LAMA3: variants seen among roughly 807,000 people sequenced by gnomAD.
LAMA3 encodes the protein laminin subunit alpha 3, also known as laminin subunit alpha-3.
A neutral mutation model predicts 402.0 loss-of-function variants in LAMA3; 281 were observed. The observed-to-expected ratio is 0.70, with a 90% confidence interval of 0.63 to 0.77. The LOEUF (loss-of-function observed/expected upper bound fraction) is 0.77, where lower values mean the gene tolerates loss of function less well. Ranked by LOEUF, LAMA3 falls within the 30% of genes least tolerant of loss-of-function variation. The pLI is 0.00. For synonymous variants in LAMA3, 1,431 were observed against 1,558.4 expected, an observed-to-expected ratio of 0.92 and a Z score of 1.93; for missense variants, 3,840 against 4,215.5, an observed-to-expected ratio of 0.91 and a Z score of 2.47.
At position 23,744,872 on chromosome 18, in the gene LAMA3, G is replaced by A. The variant is rs199817900; in HGVS notation, c.448-3071G>A. On this transcript the variant is annotated intron_variant, in intron 2 of 74. Coordinates refer to ENST00000313654, the MANE Select transcript of LAMA3 (RefSeq NM_198129.4). ...AAAAAAAAAAATCAAACGTTACCTA[G>A]AAACAAGATGAAACTTGTGGATTAA... is the stretch of plus-strand genomic sequence containing the variant. Among the ~76,000 whole-genome samples, 194 of 129,304 alleles carry A rather than the reference G, an allele frequency of 1.5e-3. 4 individuals are homozygous for A. In the East Asian group the frequency reaches 0.034, roughly 23 times the overall value. The allele number at this position is 129,304 out of a possible 152,430, so 84.8% of individuals were successfully genotyped here. A position where few individuals can be genotyped will look rare whatever the true frequency, so the allele number is the denominator to read the frequency against.
intron 35 of LAMA3, among the ~76,000 whole-genome samples, chr18:23,864,577 G>A (rs1307254091): frequency 1.3e-5 from 2 of 151,986 alleles, no homozygotes; most frequent in Admixed American, 6.6e-5. Context: ...ACTCAATCAT[G>A]TTCATGCTAA....
chr18:23,894,242 G>A (rs1191983260), intron 42 of LAMA3, 56 bp from the exon 43 acceptor site: 3 of 1,350,740 alleles, frequency 2.2e-6, no homozygotes, highest in East Asian at 2.3e-5. Flanking sequence ...AAGTTAAAGA[G>A]CAGATGAAAA....
At chr18:23,744,239 AGG>A (rs2061609787) in intron 2 of LAMA3, among the ~76,000 whole-genome samples, 1 of 152,298 alleles carries the variant, frequency 6.6e-6, no homozygotes, top group South Asian at 2.1e-4. Flanking sequence ...GTTACACAGC[AGG>A]GGTGGTGATA....
At position 23,810,373 on chromosome 18, in the gene LAMA3, G is replaced by A. The variant is rs1555698689; in HGVS notation, c.1611G>A (p.Trp537Ter). 6.2e-7 allele frequency: 1 copy of A among 1,614,122 alleles called. No homozygotes were observed. The highest frequency in any genetic ancestry group is 8.5e-7 in the Non-Finnish European group (1 of 1,180,028). The change falls in exon 13 of 75, where the codon TGG becomes TGA. Residue 537 changes from tryptophan (W) to a stop codon, truncating the protein, a stop_gained. Coordinates refer to ENST00000313654, the MANE Select transcript of LAMA3 (RefSeq NM_198129.4). LOFTEE classifies it high-confidence loss of function. The stretch of plus-strand genomic sequence containing the variant: ...TTGAATTCTTTCATCCAGCCTGCTG[G>A]TGTTCAGCCCTTGGATCCTACCAGA... ...FYSFPICQACWCSALGSYQMP... is the reference protein window; with the variant it reads ...FYSFPICQAC
chr18:23,784,306 C>A, intron 12 of LAMA3, 149 bp downstream of exon 12: 1 of 909,442 alleles, frequency 1.1e-6, no homozygotes, highest in Non-Finnish European at 1.8e-6. Flanking sequence ...TGTGATGGTC[C>A]TACCTGGACC....
Position 23,921,496 on chromosome 18 carries a change from T to C in LAMA3, c.8088T>C (p.Asn2696=). 1 of 1,613,948 alleles carries C rather than the reference T, an allele frequency of 6.2e-7. No homozygotes were observed. The highest frequency in any genetic ancestry group is 2.2e-5 in the East Asian group (1 of 44,850). The change falls in exon 62 of 75, where the codon AAT becomes AAC. Residue 2696 remains asparagine, a synonymous_variant. Coordinates refer to ENST00000313654, the MANE Select transcript of LAMA3 (RefSeq NM_198129.4). Reference sequence around the variant, plus strand: ...AACTCCAAAAGCGTATGTGGATAAATGTGGACGTTCAAAACACTATAATTG... The same window carrying C: ...AACTCCAAAAGCGTATGTGGATAAACGTGGACGTTCAAAACACTATAATTG... ...IGKLQKRMWI[N]VDVQNTIIDG... is the part of the protein sequence containing the mutation.
rs1011434078 is a variant in LAMA3 at position 23,747,047 on chromosome 18, T to C, written c.448-896T>C. 7.9e-5 allele frequency among the ~76,000 whole-genome samples: 12 copies of C among 151,874 alleles called. No individual in the cohort carries two copies. In the South Asian group the frequency reaches 8.3e-4, roughly 11 times the overall value. On this transcript the variant is annotated intron_variant, in intron 2 of 74. Coordinates refer to ENST00000313654, the MANE Select transcript of LAMA3 (RefSeq NM_198129.4). Reference sequence around the variant, plus strand: ...AGGGCATTCTTGGGCTAGAGGCGAGTGCTCCTCAGACAGTCACCGGGAAAT... The same window carrying C: ...AGGGCATTCTTGGGCTAGAGGCGAGCGCTCCTCAGACAGTCACCGGGAAAT...
chr18:23,815,539 T>A lies in LAMA3; in HGVS notation c.2013T>A (p.Phe671Leu). The A allele has an allele frequency of 1.2e-6, 2 of 1,614,184 alleles. No individual in the cohort carries two copies. The highest frequency in any genetic ancestry group is 1.7e-6 in the Non-Finnish European group (2 of 1,180,008). ...DSCDTCEDGY[F>L]ALEKSNYFGC... is the part of the protein sequence containing the mutation. The stretch of plus-strand genomic sequence containing the variant: ...GCGACACCTGTGAAGATGGATATTT[T>A]GCTTTGGAAAAGAGCAATTACTTTG... Residue 671 changes from phenylalanine to leucine, a missense_variant, in exon 17 of 75, where the codon TTT becomes TTA. Physicochemically the swap from Phe to Leu is conservative, Grantham distance 22. Around this residue, in one of 3 missense-constraint regions of LAMA3, gnomAD observed 2,109 missense variants for 2,376.0 expected, o/e 0.89. Transcript: ENST00000313654.
chr18:23,805,719 G>C (rs1227317766), intron 12 of LAMA3, among the ~76,000 whole-genome samples: 1 of 152,168 alleles, frequency 6.6e-6, no homozygotes, highest in Non-Finnish European at 1.5e-5. Flanking sequence ...TGTCAATTTA[G>C]AGCTGATGTC....
At chr18:23,914,938 G>C (rs1353817226) in intron 58 of LAMA3, 78 bp downstream of exon 58, 5 of 1,163,474 alleles carry the variant, frequency 4.3e-6, no homozygotes, top group Non-Finnish European at 6.3e-6. Flanking sequence ...GTCTCTAATT[G>C]TTAATTACAT....
intron 24 of LAMA3, among the ~76,000 whole-genome samples, chr18:23,836,106 TACACAC>T (rs10569981): frequency 0.43 from 63,074 of 147,964 alleles, 14,944 homozygotes; most frequent in Non-Finnish European, 0.56. Flanking sequence ...TTTTAATGGA[TACACAC>T]ACACACACAC....
intron 47 of LAMA3, chr18:23,899,783 T>G: frequency 3.5e-6 from 1 of 288,704 alleles, no homozygotes; most frequent in Non-Finnish European, 6.7e-6. Flanking sequence ...TCATTATTAA[T>G]GGTCACCTCA....
At position 23,814,411 on chromosome 18, in the gene LAMA3, C is replaced by T. The variant is rs1271424597; in HGVS notation, c.1797C>T (p.Cys599=). ...AGTINSNLGY[C]QCKLHVEGPT... ...TTGATTTTCATTCAAAGGGGTATTG[C>T]CAATGCAAGCTTCATGTTGAAGGTC... The change falls in exon 15 of 75, where the codon TGC becomes TGT. Residue 599 remains cysteine (C), a synonymous_variant. Coordinates refer to ENST00000313654, the MANE Select transcript of LAMA3 (RefSeq NM_198129.4). 1 of 1,609,956 alleles carries T rather than the reference C, an allele frequency of 6.2e-7. No homozygotes were observed. Among genetic ancestry groups the T allele is most frequent in the Admixed American group, 1.7e-5 (1 of 60,018 alleles).
intron 2 of LAMA3, among the ~76,000 whole-genome samples, chr18:23,731,589 C>T (rs189620187): frequency 2.0e-3 from 308 of 152,350 alleles, no homozygotes; most frequent in Non-Finnish European, 3.8e-3. Context: ...ACATACACTT[C>T]ACAGGCAGGA....
chr18:23,724,294 A>T (rs1051953660), intron 2 of LAMA3, among the ~76,000 whole-genome samples: 1 of 152,198 alleles, frequency 6.6e-6, no homozygotes, highest in African/African-American at 2.4e-5. Flanking sequence ...TTACTTTTAG[A>T]ATTAGAAAAT....
chr18:23,936,145 A>G (rs2082305710), intron 67 of LAMA3, among the ~76,000 whole-genome samples: 1 of 152,150 alleles, frequency 6.6e-6, no homozygotes, highest in Non-Finnish European at 1.5e-5. Context: ...GCCAAAGAGC[A>G]TCCTGTCAGT....
chr18:23,870,325 A>G (rs145565320), intron 37 of LAMA3, among the ~76,000 whole-genome samples: 1 of 151,968 alleles, frequency 6.6e-6, no homozygotes, highest in African/African-American at 2.4e-5. Flanking sequence ...AAAATTACCA[A>G]ACAGAACATA....
rs777930639 is a variant in LAMA3, at chr18:23,899,065, A to G, written c.5836A>G (p.Ile1946Val). 11 of 1,608,550 alleles carry G rather than the reference A, an allele frequency of 6.8e-6. No homozygotes were observed. Among genetic ancestry groups the G allele is most frequent in the Non-Finnish European group, 9.4e-6 (11 of 1,175,116 alleles). The change falls in exon 46 of 75, where the codon ATT becomes GTT. Residue 1946 changes from isoleucine (I) to valine (V), a missense_variant and splice_region_variant. By Grantham distance (29) the Ile-to-Val change is conservative. Around this residue, in one of 3 missense-constraint regions of LAMA3, gnomAD observed 891 missense variants for 857.5 expected, o/e 1.04. Coordinates refer to ENST00000313654, the MANE Select transcript of LAMA3 (RefSeq NM_198129.4). ...KIKNVIRNVH[I>V]LLKQISGTDG... ...TAAAAATGTCATCCGGAATGTGCACAGTAAGAAGAGTTATTAAGCCCAATT... is the reference window on the plus strand; with the variant it reads ...TAAAAATGTCATCCGGAATGTGCACGGTAAGAAGAGTTATTAAGCCCAATT...
At position 23,847,529 on chromosome 18, in the gene LAMA3, G is replaced by C; in HGVS notation, c.3997G>C (p.Val1333Leu). ...GCAGTGCCGCTGCCCTCCCCGCACG[G>C]TCAGGCCCCAGTGTGAGGTGTGTGA... ...TGQCRCPPRT[V>L]RPQCEVCETH... The change falls in exon 32 of 75, where the codon GTC (valine) becomes CTC (leucine). Residue 1333 changes from valine to leucine, a missense_variant. Val to Leu is a conservative substitution (Grantham distance 32, BLOSUM62 1). Transcript: ENST00000313654. The C allele has an allele frequency of 6.2e-7, 1 of 1,614,040 alleles. No individual in the cohort carries two copies. Among genetic ancestry groups the C allele is most frequent in the Non-Finnish European group, 8.5e-7 (1 of 1,180,052 alleles).
Sources: allele counts gnomAD v4.1 joint callset (sites outside exome capture counted in the v4.1 genomes callset), GRCh38; gene constraint gnomAD v4.1.1; regional missense constraint gnomAD v4.1.1; transcripts MANE v1.5; gene names NCBI Gene and HGNC (gene_info 2026-07-23, HGNC 2026-07-21).